Variants in SLC24A2 observed in about 807,000 individuals in gnomAD.
SLC24A2 encodes sodium/potassium/calcium exchanger 2.
SLC24A2 carries 36 observed loss-of-function variants against 62.0 expected under a neutral mutation model. The observed-to-expected ratio is 0.58, with a 90% confidence interval of 0.44 to 0.77. The LOEUF is 0.77. Ranked by LOEUF, SLC24A2 falls within the 30% of genes least tolerant of loss-of-function variation. The pLI, the probability that SLC24A2 is intolerant of heterozygous loss-of-function variation, is 0.00. For synonymous variants in SLC24A2, 358 were observed against 294.0 expected (o/e 1.22, Z -2.23); for missense variants, 846 against 817.9 (o/e 1.03, Z -0.42).
At chr9:19,693,684 G>A (rs1392619545) in intron 2 of SLC24A2, among the ~76,000 whole-genome samples, 2 of 152,054 alleles carry the variant, frequency 1.3e-5, no homozygotes, top group African/African-American at 4.8e-5. Flanking sequence ...CTCCTAAAAG[G>A]TCAGTTTCAT....
At chr9:20,215,229 C>T in the SLC24A2 span, among the ~76,000 whole-genome samples, 1 of 152,128 alleles carries the variant, frequency 6.6e-6, no homozygotes, top group African/African-American at 2.4e-5. Context: ...ACTCTACTCC[C>T]AATCATGAAA....
chr9:20,296,954 G>A, the SLC24A2 span, among the ~76,000 whole-genome samples: 1 of 152,066 alleles, frequency 6.6e-6, no homozygotes, highest in Non-Finnish European at 1.5e-5. Flanking sequence ...ATTCTTTTAT[G>A]CTTCTCAAAT....
At chr9:19,590,635 T>C (rs1012077546) in intron 5 of SLC24A2, among the ~76,000 whole-genome samples, 2 of 152,202 alleles carry the variant, frequency 1.3e-5, no homozygotes, top group Non-Finnish European at 2.9e-5. Flanking sequence ...TCCTTACTTC[T>C]GTTCCCATCT....
At chr9:19,979,447 C>T in the SLC24A2 span, among the ~76,000 whole-genome samples, 2 of 152,274 alleles carry the variant, frequency 1.3e-5, no homozygotes, top group East Asian at 1.9e-4. Flanking sequence ...CTTATGGGTG[C>T]ACAAAGTCAT....
At chr9:19,549,873 A>G (rs900562824) in intron 8 of SLC24A2, among the ~76,000 whole-genome samples, 1 of 152,218 alleles carries the variant, frequency 6.6e-6, no homozygotes, top group Non-Finnish European at 1.5e-5. Flanking sequence ...GTAGTTTGTT[A>G]TGCAGATTTG....
chr9:19,985,125 C>A, the SLC24A2 span, among the ~76,000 whole-genome samples: 1 of 151,848 alleles, frequency 6.6e-6, no homozygotes, highest in Admixed American at 6.6e-5. Context: ...TGTACATAAA[C>A]AACTAAACCT....
At position 19,512,288 on chromosome 9, in the gene SLC24A2, A is replaced by T. The variant is rs757087562; in HGVS notation, c.*3865T>A. On this transcript the variant is annotated 3_prime_UTR_variant, in exon 11 of 11. Transcript: ENST00000341998. ...TCATGTCTTCCCTATAAAATAAATT[A>T]TGATGGCCCTTGTCAGGTGACACCT... 1 of 152,240 alleles carries T rather than the reference A, an allele frequency of 6.6e-6. No homozygotes were observed. The highest frequency in any genetic ancestry group is 1.5e-5 in the Non-Finnish European group (1 of 68,044). 9.4% of individuals were successfully genotyped at this position (152,240 alleles called of 1,614,324 possible). A position where few individuals can be genotyped will look rare whatever the true frequency, so the allele number is the denominator to read the frequency against.
intron 2 of SLC24A2, among the ~76,000 whole-genome samples, chr9:19,748,610 C>G (rs966764018): frequency 6.6e-6 from 1 of 152,040 alleles, no homozygotes; most frequent in African/African-American, 2.4e-5. Context: ...AAATTTCCAG[C>G]AATATTGGTC....
At chr9:20,218,252 G>A in the SLC24A2 span, among the ~76,000 whole-genome samples, 1 of 152,158 alleles carries the variant, frequency 6.6e-6, no homozygotes, top group African/African-American at 2.4e-5. Flanking sequence ...ATATTCATGG[G>A]TTCTGTCCCT....
the SLC24A2 span, among the ~76,000 whole-genome samples, chr9:19,877,255 C>T: frequency 6.7e-6 from 1 of 149,650 alleles, no homozygotes; most frequent in South Asian, 2.2e-4. Context: ...CTGGAGACTG[C>T]CATTAGACTG....
the SLC24A2 span, among the ~76,000 whole-genome samples, chr9:19,872,330 T>C: frequency 1.2e-4 from 18 of 152,356 alleles, no homozygotes; most frequent in African/African-American, 2.9e-4. Flanking sequence ...TTATGGTGAT[T>C]ATGCCTAATT....
At chr9:19,852,421 T>C in the SLC24A2 span, among the ~76,000 whole-genome samples, 1 of 152,234 alleles carries the variant, frequency 6.6e-6, no homozygotes, top group Non-Finnish European at 1.5e-5. Flanking sequence ...TGGCATTGCC[T>C]AGATTTTCTT....
chr9:20,047,837 A>G, the SLC24A2 span, among the ~76,000 whole-genome samples: 1 of 151,616 alleles, frequency 6.6e-6, no homozygotes, highest in East Asian at 2.0e-4. Context: ...GGGGAGACAC[A>G]AACATTCAGA....
the SLC24A2 span, among the ~76,000 whole-genome samples, chr9:19,903,657 T>C: frequency 6.6e-6 from 1 of 152,154 alleles, no homozygotes; most frequent in Non-Finnish European, 1.5e-5. Flanking sequence ...AAAGATTCCC[T>C]CTGATATGAA....
At chr9:20,202,882 A>G in the SLC24A2 span, among the ~76,000 whole-genome samples, 1 of 152,234 alleles carries the variant, frequency 6.6e-6, no homozygotes, top group Non-Finnish European at 1.5e-5. Flanking sequence ...ACTTAATTTT[A>G]CTTTTTGAAG....
chr9:19,876,129 G>C, the SLC24A2 span, among the ~76,000 whole-genome samples: 1 of 152,082 alleles, frequency 6.6e-6, no homozygotes, highest in African/African-American at 2.4e-5. Flanking sequence ...TTAATATTAT[G>C]CTTCTTGAAT....
At chr9:19,578,438 C>T (rs747610099) in intron 5 of SLC24A2, among the ~76,000 whole-genome samples, 2 of 148,536 alleles carry the variant, frequency 1.3e-5, no homozygotes, top group African/African-American at 5.0e-5. Context: ...CCTTTATTTT[C>T]TTCCTTGGGA....
At chr9:19,689,851 A>C (rs1259807987) in intron 2 of SLC24A2, among the ~76,000 whole-genome samples, 1 of 152,112 alleles carries the variant, frequency 6.6e-6, no homozygotes, top group East Asian at 1.9e-4. Context: ...GTGTGTCTGT[A>C]AGGGTGTTTC....
At chr9:19,575,096 G>C (rs1835968419) in intron 6 of SLC24A2, among the ~76,000 whole-genome samples, 1 of 152,136 alleles carries the variant, frequency 6.6e-6, no homozygotes, top group Admixed American at 6.5e-5. Context: ...AAATATTTAT[G>C]TTTATTTATG....
Sources: gnomAD v4.1 joint callset for allele counts (sites outside exome capture counted in the v4.1 genomes callset) on GRCh38, gnomAD v4.1.1 for gene constraint, MANE v1.5 for transcripts, NCBI Gene and HGNC (gene_info 2026-07-23, HGNC 2026-07-21) for gene names.